PICALM: variants seen among roughly 807,000 people sequenced by gnomAD.
The protein encoded by PICALM is phosphatidylinositol binding clathrin assembly protein, also known as phosphatidylinositol-binding clathrin assembly protein.
A neutral mutation model predicts 80.5 loss-of-function variants in PICALM; 40 were observed. The observed-to-expected ratio is 0.50, with a 90% CI of 0.39 to 0.65. PICALM has a LOEUF of 0.65. PICALM is among the 30% of genes least tolerant of loss of function. The probability of loss-of-function intolerance (pLI) is 0.00; values close to 1 mark genes in which losing one functional copy is unlikely to be tolerated. For synonymous variants in PICALM, 288 were observed against 260.3 expected, an observed-to-expected ratio of 1.11 and a Z score of -1.02; for missense variants, 676 against 778.9, an observed-to-expected ratio of 0.87 and a Z score of 1.57.
Position 86,008,916 on chromosome 11 carries a change from G to T in PICALM, c.766-1333C>A, listed in dbSNP as rs548121358. 2.9e-3 allele frequency among the ~76,000 whole-genome samples: 337 copies of T among 116,758 alleles called. 3 individuals carry two copies. Among genetic ancestry groups the T allele is most frequent in the Non-Finnish European group, 4.0e-3 (248 of 61,742 alleles). 76.6% of individuals were successfully genotyped at this position (116,758 alleles called of 152,430 possible). A position where few individuals can be genotyped will look rare whatever the true frequency, so the allele number is the denominator to read the frequency against. On this transcript the variant is annotated intron_variant, in intron 7 of 19. Coordinates refer to ENST00000393346, the MANE Select transcript of PICALM (RefSeq NM_007166.4). ...GAGACCTGCCTGGGCAATATAGTGA[G>T]ACCCCGTTCTCCAGAAAAAGGAAAA...
intron 1 of PICALM, among the ~76,000 whole-genome samples, chr11:86,057,717 T>C (rs1025627557): frequency 3.9e-5 from 6 of 152,222 alleles, no homozygotes; most frequent in African/African-American, 1.4e-4. Context: ...ACATTTTTCC[T>C]TGTCATCATT....
chr11:85,991,132 T>G (rs1331217763), intron 12 of PICALM, among the ~76,000 whole-genome samples: 1 of 152,188 alleles, frequency 6.6e-6, no homozygotes, highest in Non-Finnish European at 1.5e-5. Context: ...AGATAATTAT[T>G]ATACTGATAC....
chr11:86,047,882 C>G (rs1310193791), intron 1 of PICALM, among the ~76,000 whole-genome samples: 1 of 151,754 alleles, frequency 6.6e-6, no homozygotes, highest in East Asian at 1.9e-4. Flanking sequence ...GGCAGATCAC[C>G]TGAGGTCAGG....
At chr11:86,004,270 T>C (rs959972410) in intron 8 of PICALM, among the ~76,000 whole-genome samples, 1 of 152,098 alleles carries the variant, frequency 6.6e-6, no homozygotes, top group Admixed American at 6.6e-5. Flanking sequence ...TTCAACAACA[T>C]AGATCTCAAA....
intron 19 of PICALM, among the ~76,000 whole-genome samples, chr11:85,967,365 G>T (rs770513591): frequency 9.1e-5 from 13 of 142,636 alleles, no homozygotes; most frequent in Non-Finnish European, 1.9e-4. Context: ...ATTAAGACAA[G>T]AAATTAGATT....
intron 4 of PICALM, among the ~76,000 whole-genome samples, chr11:86,017,099 T>C (rs902931958): frequency 2.6e-5 from 4 of 151,992 alleles, no homozygotes; most frequent in Non-Finnish European, 4.4e-5. Flanking sequence ...GGCATGCGCC[T>C]ATAGTCCCAG....
At chr11:86,020,396 G>A (rs573010186) in intron 4 of PICALM, among the ~76,000 whole-genome samples, 1 of 148,648 alleles carries the variant, frequency 6.7e-6, no homozygotes, top group Non-Finnish European at 1.5e-5. Context: ...GGAATGCAAG[G>A]GGCCCAGAAC....
intron 13 of PICALM, among the ~76,000 whole-genome samples, chr11:85,985,302 T>C (rs2094544332): frequency 6.6e-6 from 1 of 152,162 alleles, no homozygotes; most frequent in Non-Finnish European, 1.5e-5. Context: ...AAGAAGGTCC[T>C]CAAAGACAGA....
chr11:86,053,237 AC>A (rs1426687622), intron 1 of PICALM, among the ~76,000 whole-genome samples: 1 of 152,234 alleles, frequency 6.6e-6, no homozygotes, highest in Non-Finnish European at 1.5e-5. Flanking sequence ...TAAAACTGCA[AC>A]CTAACTCGAG....
Position 86,065,226 on chromosome 11 carries a change from T to C in PICALM, c.130+3425A>G, listed in dbSNP as rs1420122402. On this transcript the variant is annotated intron_variant, in intron 1 of 19. Transcript: ENST00000393346. ...CCTTTGGGAGGCCGAGGCGGGCGAA[T>C]CATGTGGTCAAGAGATCCAGACCAT... Among the ~76,000 whole-genome samples, 5 of 152,110 alleles carry C rather than the reference T, an allele frequency of 3.3e-5. No homozygotes were observed. In the East Asian group the frequency reaches 9.6e-4, roughly 29 times the overall value.
chr11:86,012,140 A>C lies in PICALM; in HGVS notation c.658+141T>G, dbSNP rs1450485869. 6.9e-6 allele frequency: 3 copies of C among 432,660 alleles called. No individual in the cohort carries two copies. The East Asian group carries it at 1.0e-4, about 15-fold the overall frequency. 26.8% of individuals were successfully genotyped at this position (432,660 alleles called of 1,614,324 possible). The stretch of plus-strand genomic sequence containing the variant: ...ACTTGCAGAAGTAATTAGGTATAAA[A>C]CTCTTTTCTCCAAATTAACTGTTAC... On this transcript the variant is annotated intron_variant, in intron 6 of 19. Coordinates refer to ENST00000393346, the MANE Select transcript of PICALM (RefSeq NM_007166.4).
Position 85,988,388 on chromosome 11 carries a change from AT to A in PICALM, c.1408+1861del, listed in dbSNP as rs1475134126. 9.9e-5 allele frequency among the ~76,000 whole-genome samples: 15 copies of A among 152,220 alleles called. No homozygotes were observed. The East Asian group carries it at 2.9e-3, about 29-fold the overall frequency. ...GTGTTCTCTGAAAGCAAATAAGTAT[AT>A]TTTTTCTTACCAAGTTTATAAAAAC... On this transcript the variant is annotated intron_variant, in intron 13 of 19. Coordinates refer to ENST00000393346, the MANE Select transcript of PICALM (RefSeq NM_007166.4).
chr11:85,960,192 A>G (rs987395268), intron 19 of PICALM, among the ~76,000 whole-genome samples: 2 of 99,632 alleles, frequency 2.0e-5, no homozygotes, highest in African/African-American at 1.0e-4. Context: ...AATTTCCCTT[A>G]AACTGCCCAT....
chr11:86,006,305 CAAGT>C (rs2095275412), intron 8 of PICALM, among the ~76,000 whole-genome samples: 1 of 152,136 alleles, frequency 6.6e-6, no homozygotes, highest in African/African-American at 2.4e-5. Flanking sequence ...AGAATCAGAA[CAAGT>C]GAGTACAGAG....
At chr11:85,991,544 G>GA (rs1054590010) in intron 12 of PICALM, among the ~76,000 whole-genome samples, 4,428 of 141,138 alleles carry the variant, frequency 0.031, 212 homozygotes, top group African/African-American at 0.11. Context: ...TCTGAAAAAG[G>GA]AAAAAAAAAA....
chr11:86,068,375 T>C (rs1287604154), intron 1 of PICALM, among the ~76,000 whole-genome samples: 1 of 151,776 alleles, frequency 6.6e-6, no homozygotes, highest in Non-Finnish European at 1.5e-5. Context: ...TGGTTGGGTA[T>C]GATGGGGTGT....
In PICALM at chr11:86,012,402, A is replaced by T; in HGVS notation, c.547-10T>A. On this transcript the variant is annotated splice_polypyrimidine_tract_variant and intron_variant, in intron 5 of 19. Transcript: ENST00000393346. The stretch of plus-strand genomic sequence containing the variant: ...GTTCATTGCTATTAACCTAGGGAAA[A>T]ATTGGAAAATAAAATTAGCTAATCT... The T allele has an allele frequency of 6.7e-7, 1 of 1,486,620 alleles. No homozygotes were observed. The highest frequency in any genetic ancestry group is 1.2e-5 in the South Asian group (1 of 86,236). 92.1% of individuals were successfully genotyped at this position (1,486,620 alleles called of 1,614,324 possible). A position where few individuals can be genotyped will look rare whatever the true frequency, so the allele number is the denominator to read the frequency against.
At position 86,069,067 on chromosome 11, in the gene PICALM, C is replaced by G; in HGVS notation, c.-287G>C. On this transcript the variant is annotated 5_prime_UTR_variant, in exon 1 of 20. Transcript: ENST00000393346. Reference sequence around the variant, plus strand: ...AGCCGGGCAGGGTAAGAGGAACAGGCAGCTGCAGGAAAATGGCGGCGCCAG... The same window carrying G: ...AGCCGGGCAGGGTAAGAGGAACAGGGAGCTGCAGGAAAATGGCGGCGCCAG... 1 of 355,990 alleles carries G rather than the reference C, an allele frequency of 2.8e-6. No homozygotes were observed. The highest frequency in any genetic ancestry group is 5.2e-6 in the Non-Finnish European group (1 of 193,366). The allele number at this position is 355,990 out of a possible 1,614,324, so 22.1% of individuals were successfully genotyped here. A position where few individuals can be genotyped will look rare whatever the true frequency, so the allele number is the denominator to read the frequency against.
chr11:85,959,099 T>C lies in PICALM; in HGVS notation c.1945-39A>G, dbSNP rs760186086. On this transcript the variant is annotated intron_variant, in intron 19 of 19. Transcript: ENST00000393346. Reference sequence around the variant, plus strand: ...GTGGGTATGTTAATTCATTGTATTGTAGGATGTCTTCTCATAAATAAAAAT... The same window carrying C: ...GTGGGTATGTTAATTCATTGTATTGCAGGATGTCTTCTCATAAATAAAAAT... 6 of 1,427,186 alleles carry C rather than the reference T, an allele frequency of 4.2e-6. No homozygotes were observed. The South Asian group carries it at 7.2e-5, about 17-fold the overall frequency. The allele number at this position is 1,427,186 out of a possible 1,614,324, so 88.4% of individuals were successfully genotyped here. A position where few individuals can be genotyped will look rare whatever the true frequency, so the allele number is the denominator to read the frequency against.
Sources: allele counts gnomAD v4.1 joint callset (sites outside exome capture counted in the v4.1 genomes callset), GRCh38; gene constraint gnomAD v4.1.1; transcripts MANE v1.5; gene names NCBI Gene and HGNC (gene_info 2026-07-23, HGNC 2026-07-21).